Variants in PPP1R9A observed in about 807,000 individuals in gnomAD.
PPP1R9A encodes protein phosphatase 1 regulatory subunit 9A, also known as neurabin-1.
Under a neutral mutation model 141.9 loss-of-function variants are expected in PPP1R9A, and 59 were observed. That is an observed-to-expected ratio of 0.42 (90% CI 0.34 to 0.52). The LOEUF is 0.52. Ranked by LOEUF, PPP1R9A falls within the 20% of genes least tolerant of loss-of-function variation. The pLI is 0.10. For synonymous variants in PPP1R9A, 500 were observed against 569.7 expected (o/e 0.88, Z 1.74); for missense variants, 1,444 against 1,611.9 (o/e 0.90, Z 1.78).
At chr7:95,050,975 T>C (rs905800568) in intron 2 of PPP1R9A, among the ~76,000 whole-genome samples, 5 of 152,172 alleles carry the variant, frequency 3.3e-5, no homozygotes, top group Non-Finnish European at 7.3e-5. Flanking sequence ...GTCCAGCTTA[T>C]CAATTCTTTC....
At chr7:94,989,213 T>G (rs1476455564) in intron 2 of PPP1R9A, among the ~76,000 whole-genome samples, 2 of 152,070 alleles carry the variant, frequency 1.3e-5, no homozygotes, top group Admixed American at 6.6e-5. Flanking sequence ...TTCAAAGAGA[T>G]GTAAAATTAA....
At chr7:95,097,528 G>C (rs1251249023) in intron 2 of PPP1R9A, among the ~76,000 whole-genome samples, 2 of 152,088 alleles carry the variant, frequency 1.3e-5, no homozygotes, top group African/African-American at 4.8e-5. Flanking sequence ...AAGTGCTACT[G>C]TTCTTTTAGT....
At chr7:94,989,488 T>C (rs1801239849) in intron 2 of PPP1R9A, among the ~76,000 whole-genome samples, 2 of 152,110 alleles carry the variant, frequency 1.3e-5, no homozygotes, top group African/African-American at 4.8e-5. Flanking sequence ...CTCAGTTATC[T>C]ACAGCAGTTA....
intron 2 of PPP1R9A, among the ~76,000 whole-genome samples, chr7:95,023,231 AT>A (rs1255481963): frequency 1.3e-5 from 2 of 152,100 alleles, no homozygotes; most frequent in East Asian, 3.8e-4. Flanking sequence ...CGAGAAATTT[AT>A]TCATTTCTTC....
At chr7:94,952,270 A>G (rs1185087621) in intron 2 of PPP1R9A, among the ~76,000 whole-genome samples, 1 of 152,198 alleles carries the variant, frequency 6.6e-6, no homozygotes, top group Non-Finnish European at 1.5e-5. Flanking sequence ...ATGTCCCTGC[A>G]AAGGAAATGA....
At chr7:95,070,395 T>C (rs1330761692) in intron 2 of PPP1R9A, among the ~76,000 whole-genome samples, 1 of 151,904 alleles carries the variant, frequency 6.6e-6, no homozygotes, top group Non-Finnish European at 1.5e-5. Context: ...TGAGTAAACA[T>C]AGATCACCAT....
chr7:95,000,171 A>G (rs1527681), intron 2 of PPP1R9A, among the ~76,000 whole-genome samples: 11,265 of 152,224 alleles, frequency 0.074, 515 homozygotes, highest in East Asian at 0.15. Context: ...TAGTGCGGCA[A>G]AATTTTTCAT....
intron 2 of PPP1R9A, among the ~76,000 whole-genome samples, chr7:94,968,817 T>G (rs1034982049): frequency 6.6e-6 from 1 of 152,138 alleles, no homozygotes; most frequent in African/African-American, 2.4e-5. Flanking sequence ...AGCCCCATAT[T>G]TCTTGGAGGC....
At chr7:95,028,237 A>G (rs1807168360) in intron 2 of PPP1R9A, among the ~76,000 whole-genome samples, 1 of 152,158 alleles carries the variant, frequency 6.6e-6, no homozygotes, top group African/African-American at 2.4e-5. Flanking sequence ...ATCCTTTTAG[A>G]GAATATTTTG....
chr7:94,981,017 A>G (rs977921542), intron 2 of PPP1R9A, among the ~76,000 whole-genome samples: 4 of 152,178 alleles, frequency 2.6e-5, no homozygotes, highest in African/African-American at 9.7e-5. Context: ...GATAATAAGC[A>G]AGTGAATAAA....
chr7:95,138,101 T>A (rs1031730440), intron 4 of PPP1R9A, among the ~76,000 whole-genome samples: 6 of 151,920 alleles, frequency 3.9e-5, no homozygotes, highest in Non-Finnish European at 8.8e-5. Context: ...CCCGGCTAAT[T>A]TTTTGTATTT....
Position 95,269,198 on chromosome 7 carries a change from T to A in PPP1R9A, c.2824-9T>A. Reference sequence around the variant, plus strand: ...GCATAACCTTCCTTATAATCTCTTATACCAACAGCCATCAAACAGTTTCTA... The same window carrying A: ...GCATAACCTTCCTTATAATCTCTTAAACCAACAGCCATCAAACAGTTTCTA... On this transcript the variant is annotated splice_polypyrimidine_tract_variant and intron_variant, in intron 13 of 19. Transcript: ENST00000433360. 1 of 1,516,528 alleles carries A rather than the reference T, an allele frequency of 6.6e-7. No homozygotes were observed. Among genetic ancestry groups the A allele is most frequent in the Non-Finnish European group, 9.0e-7 (1 of 1,108,136 alleles). 93.9% of individuals were successfully genotyped at this position (1,516,528 alleles called of 1,614,324 possible). A position where few individuals can be genotyped will look rare whatever the true frequency, so the allele number is the denominator to read the frequency against.
chr7:95,075,987 G>A (rs1009604786), intron 2 of PPP1R9A, among the ~76,000 whole-genome samples: 3 of 152,122 alleles, frequency 2.0e-5, no homozygotes, highest in Non-Finnish European at 2.9e-5. Flanking sequence ...ATTAGGGGTC[G>A]TCTTTCTGAT....
chr7:95,252,107 C>T lies in PPP1R9A; in HGVS notation c.2642C>T (p.Ser881Phe). The T allele has an allele frequency of 6.2e-7, 1 of 1,601,082 alleles. No individual in the cohort carries two copies. The highest frequency in any genetic ancestry group is 2.2e-5 in the East Asian group (1 of 44,650). ...GAGAACTTGGATGGCAAGCAGACAT[C>T]TTGCCAAGATGGCCTAAGTCAAGGT... ...TMENLDGKQT[S>F]CQDGLSQDLN... The change falls in exon 12 of 20, where the codon TCT becomes TTT. Residue 881 changes from serine (S) to phenylalanine (F), a missense_variant. Around this residue, in one of 5 missense-constraint regions of PPP1R9A, gnomAD observed 488 missense variants for 542.0 expected, o/e 0.90. Coordinates refer to ENST00000433360, the MANE Select transcript of PPP1R9A (RefSeq NM_001166160.2).
chr7:95,234,841 A>G (rs553190548), intron 8 of PPP1R9A, among the ~76,000 whole-genome samples: 1 of 152,196 alleles, frequency 6.6e-6, no homozygotes, highest in Non-Finnish European at 1.5e-5. Flanking sequence ...GGAGCAGAAT[A>G]GAGAACCCAG....
At chr7:94,948,440 A>G (rs1295488300) in intron 2 of PPP1R9A, among the ~76,000 whole-genome samples, 3 of 152,046 alleles carry the variant, frequency 2.0e-5, no homozygotes, top group Non-Finnish European at 4.4e-5. Context: ...CTATTTGGGT[A>G]TCCTCTAAGT....
At chr7:95,108,312 T>C (rs1436435012) in intron 2 of PPP1R9A, among the ~76,000 whole-genome samples, 5 of 119,426 alleles carry the variant, frequency 4.2e-5, no homozygotes, top group South Asian at 3.0e-4. Context: ...CTTTTCTTTT[T>C]TTTTTTTTTT....
chr7:95,122,638 GT>G (rs1822853142), intron 4 of PPP1R9A, among the ~76,000 whole-genome samples: 2 of 152,152 alleles, frequency 1.3e-5, no homozygotes, highest in Non-Finnish European at 2.9e-5. Flanking sequence ...CATAGAGAAG[GT>G]TTGAAATAAA....
intron 5 of PPP1R9A, among the ~76,000 whole-genome samples, chr7:95,194,039 C>T (rs1429959472): frequency 6.6e-6 from 1 of 152,016 alleles, no homozygotes; most frequent in Non-Finnish European, 1.5e-5. Context: ...GCATTTTATA[C>T]ATTAACTGCT....
Sources: allele counts gnomAD v4.1 joint callset (sites outside exome capture counted in the v4.1 genomes callset), GRCh38; gene constraint gnomAD v4.1.1; regional missense constraint gnomAD v4.1.1; transcripts MANE v1.5; gene names NCBI Gene and HGNC (gene_info 2026-07-23, HGNC 2026-07-21).